Variants in NIBAN1 observed in about 807,000 individuals in gnomAD.
NIBAN1 encodes the protein protein Niban 1.
NIBAN1 carries 81 observed loss-of-function variants against 75.1 expected under a neutral mutation model. That is an observed-to-expected ratio of 1.08 (90% CI 0.90 to 1.30). The LOEUF (loss-of-function observed/expected upper bound fraction) is 1.30. Ranked by LOEUF, NIBAN1 falls within the 50% of genes most tolerant of loss-of-function variation. The probability of loss-of-function intolerance (pLI) is 0.00; values close to 1 mark genes in which losing one functional copy is unlikely to be tolerated. For synonymous variants in NIBAN1, 436 were observed against 424.8 expected, an observed-to-expected ratio of 1.03 and a Z score of -0.32; for missense variants, 1,133 against 1,128.1, an observed-to-expected ratio of 1.00 and a Z score of -0.06.
chr1:184,884,029 T>A (rs1656444813), intron 5 of NIBAN1, among the ~76,000 whole-genome samples: 1 of 152,126 alleles, frequency 6.6e-6, no homozygotes, highest in Admixed American at 6.6e-5. Flanking sequence ...ATGGTCTACA[T>A]GAATAAACTC....
intron 5 of NIBAN1, among the ~76,000 whole-genome samples, chr1:184,854,658 G>A (rs1443323172): frequency 6.6e-6 from 1 of 152,140 alleles, no homozygotes; most frequent in Non-Finnish European, 1.5e-5. Flanking sequence ...ACAGACAGAT[G>A]AGATCATTTC....
intron 1 of NIBAN1, among the ~76,000 whole-genome samples, chr1:184,953,985 G>A (rs1246523115): frequency 6.6e-6 from 1 of 152,220 alleles, no homozygotes; most frequent in Non-Finnish European, 1.5e-5. Flanking sequence ...CAAATTATAT[G>A]ATTCAAGGAG....
intron 11 of NIBAN1, among the ~76,000 whole-genome samples, chr1:184,804,751 G>A (rs1571473613): frequency 6.7e-6 from 1 of 148,250 alleles, no homozygotes; most frequent in Non-Finnish European, 1.5e-5. Context: ...CATTATGTGT[G>A]TTATCATGAG....
At chr1:184,887,697 T>G (rs1269753492) in intron 4 of NIBAN1, 1 of 152,210 alleles carries the variant, frequency 6.6e-6, no homozygotes, top group African/African-American at 2.4e-5. Flanking sequence ...TCAGACAAAT[T>G]TAGTCCACAC....
chr1:184,872,480 T>C (rs1237633447), intron 5 of NIBAN1, among the ~76,000 whole-genome samples: 1 of 151,898 alleles, frequency 6.6e-6, no homozygotes. Flanking sequence ...CTGAGGCAGG[T>C]AGATCACTTG....
chr1:184,864,193 C>T (rs1571528766), intron 5 of NIBAN1, among the ~76,000 whole-genome samples: 1 of 152,122 alleles, frequency 6.6e-6, no homozygotes, highest in African/African-American at 2.4e-5. Context: ...TCTTGGTTTC[C>T]TACGGACAAT....
intron 1 of NIBAN1, 137 bp downstream of exon 1, chr1:184,974,165 G>T (rs1659012834): frequency 1.1e-6 from 1 of 911,278 alleles, no homozygotes; most frequent in African/African-American, 1.8e-5. Flanking sequence ...CCCGACTCGC[G>T]CGGGCGGGCT....
chr1:184,965,962 C>A (rs976158096), intron 1 of NIBAN1, among the ~76,000 whole-genome samples: 1 of 152,128 alleles, frequency 6.6e-6, no homozygotes, highest in Admixed American at 6.5e-5. Flanking sequence ...AGTCTTTCAA[C>A]AGATAATCTG....
intron 5 of NIBAN1, among the ~76,000 whole-genome samples, chr1:184,832,819 C>G (rs1008771007): frequency 9.9e-5 from 15 of 152,162 alleles, no homozygotes; most frequent in Non-Finnish European, 1.8e-4. Flanking sequence ...CTGGGCTGAA[C>G]GGCCTTCTCA....
At chr1:184,804,367 C>A (rs898909810) in intron 11 of NIBAN1, among the ~76,000 whole-genome samples, 5 of 152,210 alleles carry the variant, frequency 3.3e-5, no homozygotes, top group African/African-American at 1.2e-4. Context: ...CAAGTTATAA[C>A]TCTATTCAAA....
intron 5 of NIBAN1, among the ~76,000 whole-genome samples, chr1:184,872,965 G>GA (rs35226957): frequency 2.0e-5 from 3 of 151,924 alleles, no homozygotes; most frequent in Admixed American, 2.0e-4. Flanking sequence ...GATGTTTTTA[G>GA]AAAAAAATAG....
intron 10 of NIBAN1, among the ~76,000 whole-genome samples, chr1:184,807,076 TATACCTTTATC>T (rs1654221363): frequency 6.6e-6 from 1 of 152,164 alleles, no homozygotes; most frequent in South Asian, 2.1e-4. Context: ...GGCCACAATA[TATACCTTTATC>T]ATACCTTCAA....
Position 184,950,715 on chromosome 1 carries a change from T to G in NIBAN1, c.55+23587A>C, listed in dbSNP as rs536297898. 7.9e-5 allele frequency among the ~76,000 whole-genome samples: 12 copies of G among 152,308 alleles called. No individual in the cohort carries two copies. The South Asian group carries it at 2.5e-3, about 32-fold the overall frequency. On this transcript the variant is annotated intron_variant, in intron 1 of 13. Transcript: ENST00000367511. ...ATTAGGTTATGCTAGAAATGAAAAT[T>G]CATGGCCACATGCCTAATTCAGCTA... is the stretch of plus-strand genomic sequence containing the variant.
chr1:184,795,971 G>T lies in NIBAN1; in HGVS notation c.1793C>A (p.Ala598Asp), dbSNP rs779209638. Residue 598 changes from alanine to aspartate, a missense_variant, in exon 14 of 14, where the codon GCC (alanine) becomes GAC (aspartate). Ala to Asp is a moderately radical substitution (Grantham distance 126). Coordinates refer to ENST00000367511, the MANE Select transcript of NIBAN1 (RefSeq NM_052966.4). The stretch of plus-strand genomic sequence containing the variant: ...TGGCAGAATGGCAGAAGCTCTCCTG[G>T]CAGGGCTGGCCTGGTTTGACCCTGT... ...PPTGSNQASP[A>D]RRASAILPGV... 2 of 1,614,000 alleles carry T rather than the reference G, an allele frequency of 1.2e-6. No homozygotes were observed. The highest frequency in any genetic ancestry group is 1.7e-6 in the Non-Finnish European group (2 of 1,180,026).
chr1:184,967,231 G>C (rs1243684088), intron 1 of NIBAN1, among the ~76,000 whole-genome samples: 2 of 151,930 alleles, frequency 1.3e-5, no homozygotes, highest in South Asian at 2.1e-4. Context: ...GTGTGTGTGT[G>C]TGTGTGTGTG....
chr1:184,972,346 A>G (rs1316714779), intron 1 of NIBAN1, among the ~76,000 whole-genome samples: 1 of 152,262 alleles, frequency 6.6e-6, no homozygotes. Flanking sequence ...AGATAGGGCT[A>G]TGATTTTACT....
intron 1 of NIBAN1, among the ~76,000 whole-genome samples, chr1:184,961,725 G>C (rs1028531600): frequency 1.3e-5 from 2 of 152,230 alleles, no homozygotes; most frequent in Non-Finnish European, 2.9e-5. Context: ...TCTTGCCAGT[G>C]ATGGCTTAGG....
At chr1:184,826,328 TGTG>T (rs1471323304) in intron 6 of NIBAN1, among the ~76,000 whole-genome samples, 9 of 152,232 alleles carry the variant, frequency 5.9e-5, no homozygotes, top group Non-Finnish European at 1.2e-4. Context: ...CACCATTTTC[TGTG>T]GTGTTTAAGA....
chr1:184,835,159 G>C (rs1238062104), intron 5 of NIBAN1, among the ~76,000 whole-genome samples: 1 of 152,202 alleles, frequency 6.6e-6, no homozygotes, highest in African/African-American at 2.4e-5. Flanking sequence ...TTGTAGATGT[G>C]TGGTGTTAGT....
Sources: allele counts gnomAD v4.1 joint callset (sites outside exome capture counted in the v4.1 genomes callset), GRCh38; gene constraint gnomAD v4.1.1; transcripts MANE v1.5; gene names NCBI Gene and HGNC (gene_info 2026-07-23, HGNC 2026-07-21).